Variants in DLG2 observed in about 807,000 individuals in gnomAD.
DLG2 encodes disks large homolog 2.
Under a neutral mutation model 132.5 loss-of-function variants are expected in DLG2, and 45 were observed. The observed-to-expected ratio is 0.34, with a 90% CI of 0.27 to 0.44. The LOEUF is 0.44. Ranked by LOEUF, DLG2 falls within the 20% of genes least tolerant of loss-of-function variation. The pLI, the probability that DLG2 is intolerant of heterozygous loss-of-function variation, is 1.00. For missense variants in DLG2, 1,045 were observed against 1,196.9 expected, an observed-to-expected ratio of 0.87 and a Z score of 1.87; for synonymous variants, 424 against 419.6, an observed-to-expected ratio of 1.01 and a Z score of -0.13.
chr11:84,260,900 CA>C (rs1160199626), intron 7 of DLG2, among the ~76,000 whole-genome samples: 2 of 151,956 alleles, frequency 1.3e-5, no homozygotes, highest in Non-Finnish European at 2.9e-5. Context: ...GAAGATCCCA[CA>C]AAAAATGGAG....
intron 3 of DLG2, among the ~76,000 whole-genome samples, chr11:85,385,369 G>GT (rs1311735254): frequency 4.6e-5 from 7 of 152,110 alleles, no homozygotes; most frequent in Non-Finnish European, 1.0e-4. Flanking sequence ...GCAGCTATAG[G>GT]TTTTTTGTTT....
chr11:84,666,757 T>A (rs908522345), intron 6 of DLG2, among the ~76,000 whole-genome samples: 1 of 152,098 alleles, frequency 6.6e-6, no homozygotes, highest in Non-Finnish European at 1.5e-5. Context: ...CAGAAATTTT[T>A]TTGAGGTAAT....
At chr11:84,357,541 TGTC>T (rs1466068369) in intron 7 of DLG2, among the ~76,000 whole-genome samples, 1 of 152,024 alleles carries the variant, frequency 6.6e-6, no homozygotes, top group Non-Finnish European at 1.5e-5. Context: ...GCAGTGCTTG[TGTC>T]CCCAAGGCAC....
chr11:84,824,735 C>T (rs775964504), intron 6 of DLG2, among the ~76,000 whole-genome samples: 12 of 151,840 alleles, frequency 7.9e-5, no homozygotes, highest in Admixed American at 3.3e-4. Context: ...GTTGTGAAGA[C>T]CACATAGGCT....
At chr11:83,520,541 T>C (rs1308107180) in intron 21 of DLG2, among the ~76,000 whole-genome samples, 1 of 152,160 alleles carries the variant, frequency 6.6e-6, no homozygotes, top group Non-Finnish European at 1.5e-5. Flanking sequence ...TACTGCGTTG[T>C]CATAGATAGA....
chr11:84,569,301 G>A (rs2099470942), intron 6 of DLG2, among the ~76,000 whole-genome samples: 3 of 152,146 alleles, frequency 2.0e-5, no homozygotes, highest in Non-Finnish European at 2.9e-5. Flanking sequence ...ATCCTCAAAT[G>A]CACGGACAAC....
intron 3 of DLG2, among the ~76,000 whole-genome samples, chr11:85,511,787 T>C (rs1470972134): frequency 1.3e-5 from 2 of 151,546 alleles, no homozygotes; most frequent in Non-Finnish European, 2.9e-5. Context: ...GGTGGGATTA[T>C]AGCTCACTGC....
chr11:84,314,805 G>T (rs2154394120), intron 7 of DLG2, among the ~76,000 whole-genome samples: 1 of 151,966 alleles, frequency 6.6e-6, no homozygotes, highest in East Asian at 1.9e-4. Flanking sequence ...TAAAGTCTGT[G>T]TGTATGTATG....
chr11:83,620,889 A>AAAAAAAAAAAAAAG (rs2061532269), intron 19 of DLG2, among the ~76,000 whole-genome samples: 1 of 150,832 alleles, frequency 6.6e-6, no homozygotes, highest in African/African-American at 2.4e-5. Flanking sequence ...AAAAAAAAAA[A>AAAAAAAAAAAAAAG]AAAAATGCAT....
intron 7 of DLG2, among the ~76,000 whole-genome samples, chr11:84,283,982 T>C (rs936739025): frequency 1.3e-5 from 2 of 152,194 alleles, no homozygotes; most frequent in African/African-American, 4.8e-5. Context: ...GGCTCATGCC[T>C]GTAATCTCAG....
intron 18 of DLG2, among the ~76,000 whole-genome samples, chr11:83,699,704 C>T (rs936538994): frequency 4.8e-5 from 7 of 145,276 alleles, no homozygotes; most frequent in African/African-American, 7.7e-5. Context: ...AGCAAGACTC[C>T]GTCTAAAAAA....
chr11:84,110,633 C>A (rs2093292995), intron 9 of DLG2, among the ~76,000 whole-genome samples: 1 of 152,200 alleles, frequency 6.6e-6, no homozygotes, highest in Non-Finnish European at 1.5e-5. Flanking sequence ...TTGGAAGTAT[C>A]CTTCATTGCT....
chr11:84,980,524 T>A (rs1215675894), intron 6 of DLG2, among the ~76,000 whole-genome samples: 2 of 152,124 alleles, frequency 1.3e-5, no homozygotes, highest in African/African-American at 4.8e-5. Flanking sequence ...TCACATCAGA[T>A]AAGACCCTTC....
chr11:84,463,945 G>A (rs1030786042), intron 7 of DLG2, among the ~76,000 whole-genome samples: 3 of 151,138 alleles, frequency 2.0e-5, no homozygotes, highest in Non-Finnish European at 3.0e-5. Flanking sequence ...CCTCCACTTC[G>A]GGCATAAACT....
chr11:84,515,251 C>T lies in DLG2; in HGVS notation c.519+19319G>A, dbSNP rs561741462. 1.4e-4 allele frequency among the ~76,000 whole-genome samples: 20 copies of T among 146,586 alleles called. 1 individual carries two copies. The South Asian group carries it at 3.8e-3, about 28-fold the overall frequency. ...TAGATTAAATTATCCAACCAAATTA[C>T]GTAGATTGGCTGAATGAACTTAAAT... On this transcript the variant is annotated intron_variant, in intron 7 of 27. Coordinates refer to ENST00000376104, the MANE Select transcript of DLG2 (RefSeq NM_001142699.3).
intron 7 of DLG2, among the ~76,000 whole-genome samples, chr11:84,420,247 G>C (rs549452960): frequency 6.6e-6 from 1 of 152,134 alleles, no homozygotes; most frequent in Non-Finnish European, 1.5e-5. Flanking sequence ...AGCTGAAAAC[G>C]GAGGAAATAT....
At chr11:84,775,609 TC>T (rs1294851934) in intron 6 of DLG2, among the ~76,000 whole-genome samples, 3 of 152,110 alleles carry the variant, frequency 2.0e-5, no homozygotes, top group Non-Finnish European at 4.4e-5. Flanking sequence ...GAAATCATGT[TC>T]TTTGCAGCAA....
chr11:85,377,803 ATGTG>A (rs1555086383), intron 3 of DLG2, among the ~76,000 whole-genome samples: 11 of 131,310 alleles, frequency 8.4e-5, no homozygotes, highest in South Asian at 4.9e-4. Context: ...ATATATATAT[ATGTG>A]TGTGTGTGTG....
chr11:84,710,969 A>C (rs1269578639), intron 6 of DLG2, among the ~76,000 whole-genome samples: 1 of 147,206 alleles, frequency 6.8e-6, no homozygotes, highest in Non-Finnish European at 1.5e-5. Context: ...GAAATATATA[A>C]TGTGTTCATA....
Sources: gnomAD v4.1 joint callset for allele counts (sites outside exome capture counted in the v4.1 genomes callset) on GRCh38, gnomAD v4.1.1 for gene constraint, MANE v1.5 for transcripts, NCBI Gene and HGNC (gene_info 2026-07-23, HGNC 2026-07-21) for gene names.